ORC3: variants seen among roughly 807,000 people sequenced by gnomAD.
ORC3 encodes homolog of latheo, Drosophila.
In ORC3, 78 loss-of-function variants were observed where a neutral mutation model predicts 100.7. The ratio of observed to expected loss-of-function variants is 0.77; its 90% CI spans 0.65 to 0.94. The LOEUF (loss-of-function observed/expected upper bound fraction) is 0.94. Ranked by LOEUF, ORC3 falls within the 40% of genes least tolerant of loss-of-function variation. The pLI is 0.00. For missense variants in ORC3, 789 were observed against 823.9 expected (o/e 0.96, Z 0.52); for synonymous variants, 295 against 289.3 (o/e 1.02, Z -0.20).
chr6:87,639,825 CAAAAAAA>C (rs548788316), intron 13 of ORC3, among the ~76,000 whole-genome samples: 80 of 58,754 alleles, frequency 1.4e-3, no homozygotes, highest in Admixed American at 4.1e-3. Flanking sequence ...GCCAAAAATA[CAAAAAAA>C]AAAAAAAAAA....
At chr6:87,616,666 T>C (rs1779174047) in intron 9 of ORC3, among the ~76,000 whole-genome samples, 1 of 152,158 alleles carries the variant, frequency 6.6e-6, no homozygotes, top group African/African-American at 2.4e-5. Flanking sequence ...CTTAACCATT[T>C]TGGGGGTAGG....
chr6:87,644,102 T>C (rs1251682167), intron 13 of ORC3, among the ~76,000 whole-genome samples: 1 of 100,014 alleles, frequency 1.0e-5, no homozygotes, highest in African/African-American at 3.9e-5. Context: ...TTTTTTTTTT[T>C]TTTTTTTTGA....
intron 9 of ORC3, among the ~76,000 whole-genome samples, chr6:87,620,888 GAT>G (rs1452562579): frequency 6.6e-6 from 1 of 152,128 alleles, no homozygotes; most frequent in African/African-American, 2.4e-5. Context: ...AATTTGTAAA[GAT>G]AAATTTTCAT....
the ORC3 span, among the ~76,000 whole-genome samples, chr6:87,674,444 ATTATAAG>A: frequency 1.3e-5 from 2 of 151,500 alleles, no homozygotes; most frequent in East Asian, 3.9e-4. Flanking sequence ...TGCTTACTTC[ATTATAAG>A]AAAGCTATGT....
intron 14 of ORC3, among the ~76,000 whole-genome samples, chr6:87,653,508 G>T (rs1769438504): frequency 6.6e-6 from 1 of 152,194 alleles, no homozygotes; most frequent in Non-Finnish European, 1.5e-5. Flanking sequence ...CAGTTTGGGG[G>T]ATTTGTCTTT....
intron 9 of ORC3, among the ~76,000 whole-genome samples, chr6:87,618,271 A>G (rs1044447279): frequency 6.6e-6 from 1 of 152,140 alleles, no homozygotes; most frequent in African/African-American, 2.4e-5. Flanking sequence ...TTAGCCAGGC[A>G]TGGTGGCGCA....
chr6:87,650,347 C>A (rs1769165053), intron 13 of ORC3, among the ~76,000 whole-genome samples: 1 of 152,136 alleles, frequency 6.6e-6, no homozygotes, highest in Non-Finnish European at 1.5e-5. Flanking sequence ...AGCCACCACG[C>A]CCAGCTCTTT....
chr6:87,634,310 A>C (rs914268522), intron 11 of ORC3, among the ~76,000 whole-genome samples: 3 of 152,192 alleles, frequency 2.0e-5, no homozygotes, highest in South Asian at 4.1e-4. Flanking sequence ...GGGACTCATC[A>C]GAATCACTTG....
intron 16 of ORC3, among the ~76,000 whole-genome samples, chr6:87,661,157 G>C (rs1180629287): frequency 1.3e-5 from 2 of 152,156 alleles, no homozygotes; most frequent in East Asian, 3.8e-4. Context: ...ACTGCAACAA[G>C]ATCTTTTAAT....
At chr6:87,669,901 T>C (rs1039129566), downstream of ORC3, among the ~76,000 whole-genome samples, 2 of 152,230 alleles carry the variant, frequency 1.3e-5, no homozygotes, top group Admixed American at 1.3e-4. Context: ...GAGCACCAGA[T>C]AAAATTGTCA....
chr6:87,653,474 A>G (rs1165631269), intron 14 of ORC3, among the ~76,000 whole-genome samples: 1 of 152,226 alleles, frequency 6.6e-6, no homozygotes, highest in Non-Finnish European at 1.5e-5. Context: ...ATGGGCAGAA[A>G]AAGAAAATCT....
downstream of ORC3, among the ~76,000 whole-genome samples, chr6:87,672,302 C>G (rs114941213): frequency 9.2e-3 from 1,405 of 152,172 alleles, 21 homozygotes; most frequent in African/African-American, 0.032. Context: ...TAATCACTAG[C>G]AAGGGATATA....
In ORC3 at chr6:87,607,835, A is replaced by T; in HGVS notation, c.579+11A>T. ...ATGACTGTCACACAGGTAGATATAA[A>T]CTGATGATTTTCTCCCAGGAAATTG... On this transcript the variant is annotated intron_variant, in intron 6 of 19. Transcript: ENST00000392844. The T allele has an allele frequency of 6.3e-7, 1 of 1,590,406 alleles. No individual in the cohort carries two copies. The highest frequency in any genetic ancestry group is 8.6e-7 in the Non-Finnish European group (1 of 1,164,314).
intron 14 of ORC3, among the ~76,000 whole-genome samples, chr6:87,656,441 A>G (rs191453932): frequency 6.6e-6 from 1 of 152,136 alleles, no homozygotes; most frequent in African/African-American, 2.4e-5. Flanking sequence ...TACAAAAATT[A>G]GCCAGGCATG....
chr6:87,616,202 T>G, intron 8 of ORC3, 112 bp from the exon 9 acceptor site: 1 of 456,662 alleles, frequency 2.2e-6, no homozygotes. Flanking sequence ...ATTGCAGCTT[T>G]CATAGTTAAC....
rs187938354 is a variant in ORC3 at position 87,653,898 on chromosome 6, A to G, written c.1516+649A>G. Among the ~76,000 whole-genome samples, 8 of 152,274 alleles carry G rather than the reference A, an allele frequency of 5.3e-5. No individual in the cohort carries two copies. The East Asian group carries it at 1.5e-3, about 29-fold the overall frequency. On this transcript the variant is annotated intron_variant, in intron 14 of 19. Transcript: ENST00000392844. ...GAATGCTTAGGGTGTCTGATTGTAT[A>G]TAGGTAGCCATGTTCTGTTCCCTAA...
chr6:87,622,438 G>T (rs1779601872), intron 11 of ORC3, among the ~76,000 whole-genome samples: 2 of 151,952 alleles, frequency 1.3e-5, no homozygotes, highest in South Asian at 4.1e-4. Context: ...TTGATTTGAA[G>T]AAATATCATT....
At chr6:87,657,549 A>G (rs773755884) in intron 15 of ORC3, among the ~76,000 whole-genome samples, 2 of 152,216 alleles carry the variant, frequency 1.3e-5, no homozygotes, top group Non-Finnish European at 2.9e-5. Flanking sequence ...AAAATAAAAC[A>G]CATGGAATCT....
downstream of ORC3, among the ~76,000 whole-genome samples, chr6:87,672,215 GA>G (rs1011671237): frequency 6.6e-6 from 1 of 151,488 alleles, no homozygotes; most frequent in African/African-American, 2.4e-5. Flanking sequence ...ACAAGTTGGT[GA>G]AAAAAAAGGA....
Sources: allele counts gnomAD v4.1 joint callset (sites outside exome capture counted in the v4.1 genomes callset), GRCh38; gene constraint gnomAD v4.1.1; transcripts MANE v1.5; gene names NCBI Gene and HGNC (gene_info 2026-07-23, HGNC 2026-07-21).